Variants in CLEC4F observed in about 807,000 individuals in gnomAD.
CLEC4F encodes C-type (calcium dependent, carbohydrate-recognition domain) lectin, superfamily member 13.
Under a neutral mutation model 53.4 loss-of-function variants are expected in CLEC4F, and 45 were observed. The observed-to-expected ratio is 0.84, with a 90% CI of 0.66 to 1.08. CLEC4F has a LOEUF of 1.08. CLEC4F is among the 50% of genes least tolerant of loss of function. CLEC4F has a pLI of 0.00. For missense variants in CLEC4F, 753 were observed against 698.2 expected (o/e 1.08, Z -0.88); for synonymous variants, 245 against 257.5 (o/e 0.95, Z 0.46).
chr2:70,809,347 T>C lies in CLEC4F; in HGVS notation c.1694A>G (p.Tyr565Cys). Reference sequence around the variant, plus strand: ...TCCCATCCCAGAATTCACAATAATATACTTTCTGAGTGGGCAGGATCCCTT... The same window carrying C: ...TCCCATCCCAGAATTCACAATAATACACTTTCTGAGTGGGCAGGATCCCTT... ...GSKGSCPLRK[Y>C]IIVNSGMGAC... The change falls in exon 7 of 7, where the codon TAT becomes TGT. Residue 565 changes from tyrosine (Y) to cysteine (C), a missense_variant. Coordinates refer to ENST00000272367, the MANE Select transcript of CLEC4F (RefSeq NM_173535.3). 6.2e-7 allele frequency: 1 copy of C among 1,613,190 alleles called. No homozygotes were observed. Among genetic ancestry groups the C allele is most frequent in the Non-Finnish European group, 8.5e-7 (1 of 1,179,708 alleles).
In CLEC4F at chr2:70,819,417, T is replaced by A. The variant is rs1677103595; in HGVS notation, c.206A>T (p.Lys69Met). The stretch of plus-strand genomic sequence containing the variant: ...TCCCAGAATTACGGCTTGCACAGGC[T>A]TCGGAACAGGTCTTGTCTGCTGTTG... ...VVQQQTRPVP[K>M]PVQAVILGDN... Residue 69 changes from lysine (K) to methionine (M), a missense_variant, in exon 3 of 7, where the codon AAG becomes ATG. By Grantham distance (95) the Lys-to-Met change is moderately conservative. Coordinates refer to ENST00000272367, the MANE Select transcript of CLEC4F (RefSeq NM_173535.3). 1.9e-5 allele frequency: 31 copies of A among 1,614,146 alleles called. No individual in the cohort carries two copies. Among genetic ancestry groups the A allele is most frequent in the Non-Finnish European group, 2.5e-5 (29 of 1,180,034 alleles).
chr2:70,812,324 C>G lies in CLEC4F; in HGVS notation c.1539+123G>C, dbSNP rs115270749. On this transcript the variant is annotated intron_variant, in intron 5 of 6. Coordinates refer to ENST00000272367, the MANE Select transcript of CLEC4F (RefSeq NM_173535.3). ...ATCAGAACTCACTCAATATTTGCTCCCTGCCTGGCAGAGGAGACATGGAGG... is the reference window on the plus strand; with the variant it reads ...ATCAGAACTCACTCAATATTTGCTCGCTGCCTGGCAGAGGAGACATGGAGG... The G allele has an allele frequency of 7.2e-4, 757 of 1,052,016 alleles. 3 individuals carry two copies. The African/African-American group carries it at 0.011, about 15-fold the overall frequency. The allele number at this position is 1,052,016 out of a possible 1,614,324, so 65.2% of individuals were successfully genotyped here. A position where few individuals can be genotyped will look rare whatever the true frequency, so the allele number is the denominator to read the frequency against.
In CLEC4F at chr2:70,818,241, T is replaced by C. The variant is rs1461376502; in HGVS notation, c.268+1114A>G. On this transcript the variant is annotated intron_variant, in intron 3 of 6. Coordinates refer to ENST00000272367, the MANE Select transcript of CLEC4F (RefSeq NM_173535.3). ...TTGTAAAGATAGACAAACAAATCAA[T>C]GCGACAGAATGGAGAATACGGAAGT... 3.3e-5 allele frequency among the ~76,000 whole-genome samples: 5 copies of C among 152,152 alleles called. No homozygotes were observed. In the East Asian group the frequency reaches 9.6e-4, roughly 29 times the overall value.
chr2:70,812,480 G>C lies in CLEC4F; in HGVS notation c.1506C>G (p.Ala502=). The C allele has an allele frequency of 1.2e-6, 2 of 1,614,116 alleles. No homozygotes were observed. Among genetic ancestry groups the C allele is most frequent in the Non-Finnish European group, 1.7e-6 (2 of 1,180,010 alleles). Residue 502 remains alanine (A), a synonymous_variant, in exon 5 of 7, where the codon GCC becomes GCG. Transcript: ENST00000272367. ...EAEQFCVSQG[A]HLASVASKEE... ...CCTTGGAGGCCACAGATGCCAGATG[G>C]GCTCCCTGGGACACGCAGAACTGCT... is the stretch of plus-strand genomic sequence containing the variant.
intron 5 of CLEC4F, among the ~76,000 whole-genome samples, chr2:70,810,192 T>C (rs1279636313): frequency 6.6e-6 from 1 of 152,068 alleles, no homozygotes; most frequent in African/African-American, 2.4e-5. Flanking sequence ...GATCTAATGA[T>C]TGTTTAGCAG....
rs782304657 is a variant in CLEC4F, at chr2:70,816,689, G to A, written c.692C>T (p.Ala231Val). The A allele has an allele frequency of 6.2e-7, 1 of 1,614,008 alleles. No individual in the cohort carries two copies. The highest frequency in any genetic ancestry group is 1.7e-5 in the Admixed American group (1 of 59,998). Residue 231 changes from alanine to valine, a missense_variant, in exon 4 of 7, where the codon GCC (alanine) becomes GTC (valine). Physicochemically the swap from Ala to Val is moderately conservative, Grantham distance 64 (BLOSUM62 0). Coordinates refer to ENST00000272367, the MANE Select transcript of CLEC4F (RefSeq NM_173535.3). ...CTGGGTATTTGCCGTTTCCAAACTG[G>A]CATTCAACATCTGAATTTCAGAGTT... ...NANSEIQMLNASLETANTQAQ... is the reference protein window; with the variant it reads ...NANSEIQMLNVSLETANTQAQ...
In CLEC4F at chr2:70,809,331, A is replaced by T; in HGVS notation, c.1710T>A (p.Ser570=). 1 of 1,613,914 alleles carries T rather than the reference A, an allele frequency of 6.2e-7. No homozygotes were observed. Among genetic ancestry groups the T allele is most frequent in the Non-Finnish European group, 8.5e-7 (1 of 1,179,970 alleles). ...CPLRKYIIVN[S]GMGACSFIDT... ...CTATGAAGCTGCAAGCTCCCATCCC[A>T]GAATTCACAATAATATACTTTCTGA... Residue 570 remains serine (S), a synonymous_variant, in exon 7 of 7, where the codon TCT becomes TCA. Coordinates refer to ENST00000272367, the MANE Select transcript of CLEC4F (RefSeq NM_173535.3).
intron 4 of CLEC4F, among the ~76,000 whole-genome samples, chr2:70,813,614 T>TCTTTCTTTCTTTCTTTCTTC (rs1553394990): frequency 0.02 from 2,821 of 141,804 alleles, 126 homozygotes; most frequent in African/African-American, 0.076. Context: ...TTTCTTTCTT[T>TCTTTCTTTCTTTCTTTCTTC]CTTTCTTTCT....
rs1426229523 is a variant in CLEC4F at position 70,816,330 on chromosome 2, G to A, written c.1051C>T (p.Arg351Cys). 8 of 1,614,134 alleles carry A rather than the reference G, an allele frequency of 5.0e-6. No individual in the cohort carries two copies. Among genetic ancestry groups the A allele is most frequent in the South Asian group, 1.1e-5 (1 of 91,074 alleles). ...VTAQTQKANG[R>C]LDQTDTQIQV... ...ATCTGAGTATCTGTCTGGTCCAGAC[G>A]GCCATTTGCTTTTTGGGTCTGGGCT... Residue 351 changes from arginine to cysteine, a missense_variant, in exon 4 of 7, where the codon CGT becomes TGT. Coordinates refer to ENST00000272367, the MANE Select transcript of CLEC4F (RefSeq NM_173535.3).
In CLEC4F at chr2:70,817,087, T is replaced by C; in HGVS notation, c.294A>G (p.Ala98=). The C allele has an allele frequency of 6.2e-7, 1 of 1,609,778 alleles. No individual in the cohort carries two copies. Among genetic ancestry groups the C allele is most frequent in the Non-Finnish European group, 8.5e-7 (1 of 1,179,754 alleles). ...PNNHHHFGRE[A]EMRELIQTFK... ...ATGTCTGGATAAGCTCTCGCATTTC[T>C]GCCTCCCTGCCAAAGTGGTGATGAT... is the stretch of plus-strand genomic sequence containing the variant. Residue 98 remains alanine, a synonymous_variant, in exon 4 of 7, where the codon GCA becomes GCG. Transcript: ENST00000272367.
Position 70,819,767 on chromosome 2 carries a change from G to C in CLEC4F, c.178+8C>G. Reference sequence around the variant, plus strand: ...AGTTAGTGAGATTTGGGTCACCTGGGGGCTTACCCACTACAAAGAGAGTCA... The same window carrying C: ...AGTTAGTGAGATTTGGGTCACCTGGCGGCTTACCCACTACAAAGAGAGTCA... On this transcript the variant is annotated splice_region_variant and intron_variant, in intron 2 of 6. Coordinates refer to ENST00000272367, the MANE Select transcript of CLEC4F (RefSeq NM_173535.3). 6.4e-7 allele frequency: 1 copy of C among 1,564,204 alleles called. No individual in the cohort carries two copies. Among genetic ancestry groups the C allele is most frequent in the Non-Finnish European group, 8.7e-7 (1 of 1,153,514 alleles).
chr2:70,824,931 G>A (rs781886126), upstream of CLEC4F, among the ~76,000 whole-genome samples: 4 of 152,154 alleles, frequency 2.6e-5, no homozygotes, highest in Non-Finnish European at 5.9e-5. Context: ...AGTGTGAACT[G>A]CATATAGTGA....
intron 5 of CLEC4F, among the ~76,000 whole-genome samples, chr2:70,810,138 CT>C (rs144978548): frequency 0.31 from 43,630 of 142,870 alleles, 6,723 homozygotes; most frequent in East Asian, 0.54. Context: ...AGCTCTCACT[CT>C]TTTTTTTTTT....
chr2:70,818,604 C>T (rs1553397012), intron 3 of CLEC4F, among the ~76,000 whole-genome samples: 1 of 151,662 alleles, frequency 6.6e-6, no homozygotes. Flanking sequence ...CTAGCTACTC[C>T]AGAGGCTGAG....
intron 2 of CLEC4F, 37 bp from the exon 3 acceptor site, chr2:70,819,481 A>G (rs1553397315): frequency 2.5e-6 from 4 of 1,581,084 alleles, no homozygotes; most frequent in Non-Finnish European, 2.6e-6. Flanking sequence ...GCAAATCCCC[A>G]GCCCTGAGCC....
At chr2:70,823,441 T>A (rs1350862787), upstream of CLEC4F, among the ~76,000 whole-genome samples, 1 of 152,114 alleles carries the variant, frequency 6.6e-6, no homozygotes, top group South Asian at 2.1e-4. Flanking sequence ...TGTTTCCCCA[T>A]ACACAGGAAG....
rs145897327 is a variant in CLEC4F, at chr2:70,812,451, T to A, written c.1535A>T (p.Glu512Val). The A allele has an allele frequency of 2.7e-3, 4,365 of 1,613,914 alleles. 41 individuals are homozygous for A. Among genetic ancestry groups the A allele is most frequent in the Non-Finnish European group, 2.0e-3 (2,301 of 1,179,996 alleles). ...AHLASVASKEEQAFLVEFTSK... is the reference protein window; with the variant it reads ...AHLASVASKEVQAFLVEFTSK... ...CCCCATGCTCGCAGCTCTGACCTGC[T>A]CCTCCTTGGAGGCCACAGATGCCAG... The change falls in exon 5 of 7, where the codon GAG (glutamate) becomes GTG (valine). Residue 512 changes from glutamate to valine, a missense_variant. Coordinates refer to ENST00000272367, the MANE Select transcript of CLEC4F (RefSeq NM_173535.3).
Position 70,816,345 on chromosome 2 carries a change from G to A in CLEC4F, c.1036C>T (p.Gln346Ter). 1.2e-6 allele frequency: 2 copies of A among 1,614,064 alleles called. No homozygotes were observed. Among genetic ancestry groups the A allele is most frequent in the African/African-American group, 2.7e-5 (2 of 75,020 alleles). Residue 346 changes from glutamine (Q) to a stop codon, truncating the protein, a stop_gained, in exon 4 of 7, where the codon CAA becomes TAA. Transcript: ENST00000272367. LOFTEE classifies it high-confidence loss of function. ...RDLKMVTAQT[Q>*]KANGRLDQTD... ...TGGTCCAGACGGCCATTTGCTTTTT[G>A]GGTCTGGGCTGTGACCATTTTCAAA... is the stretch of plus-strand genomic sequence containing the variant.
Position 70,819,443 on chromosome 2 carries a change from A to T in CLEC4F, c.180T>A (p.Val60=). 6.2e-7 allele frequency: 1 copy of T among 1,613,962 alleles called. No homozygotes were observed. The highest frequency in any genetic ancestry group is 8.5e-7 in the Non-Finnish European group (1 of 1,179,884). Residue 60 remains valine (V), a splice_region_variant and synonymous_variant, in exon 3 of 7, where the codon GTT becomes GTA. Transcript: ENST00000272367. ...VFSLVTLFVV[V]QQQTRPVPKP... is the part of the protein sequence containing the mutation. ...TCGGAACAGGTCTTGTCTGCTGTTG[A>T]ACTGAGACATTCCATTTTTCCAGGT...
Sources: gnomAD v4.1 joint callset for allele counts (sites outside exome capture counted in the v4.1 genomes callset) on GRCh38, gnomAD v4.1.1 for gene constraint, MANE v1.5 for transcripts, NCBI Gene and HGNC (gene_info 2026-07-23, HGNC 2026-07-21) for gene names.